ZFPM2: variants seen among roughly 807,000 people sequenced by gnomAD.
ZFPM2 encodes zinc finger protein, FOG family member 2.
A neutral mutation model predicts 98.6 loss-of-function variants in ZFPM2; 20 were observed. The observed-to-expected ratio is 0.20, with a 90% CI of 0.14 to 0.29. The LOEUF (loss-of-function observed/expected upper bound fraction) is 0.29. Ranked by LOEUF, ZFPM2 falls within the 10% of genes least tolerant of loss-of-function variation. ZFPM2 has a pLI of 1.00. For synonymous variants in ZFPM2, 518 were observed against 502.7 expected, an observed-to-expected ratio of 1.03 and a Z score of -0.41; for missense variants, 1,310 against 1,388.6, an observed-to-expected ratio of 0.94 and a Z score of 0.90.
intron 5 of ZFPM2, among the ~76,000 whole-genome samples, chr8:105,667,191 G>A (rs1817505201): frequency 6.6e-6 from 1 of 152,146 alleles, no homozygotes; most frequent in Admixed American, 6.6e-5. Context: ...ATAAAGTAAA[G>A]CTTTCAAGCA....
chr8:105,457,388 A>C (rs1812613215), intron 3 of ZFPM2, among the ~76,000 whole-genome samples: 1 of 152,236 alleles, frequency 6.6e-6, no homozygotes, highest in Admixed American at 6.5e-5. Flanking sequence ...TAATTAATTT[A>C]ATTAGTTCAA....
At chr8:105,568,430 G>A (rs548570573) in intron 4 of ZFPM2, among the ~76,000 whole-genome samples, 1 of 151,956 alleles carries the variant, frequency 6.6e-6, no homozygotes, top group Non-Finnish European at 1.5e-5. Flanking sequence ...CATCTCAAAT[G>A]CTATTCACAC....
intron 1 of ZFPM2, among the ~76,000 whole-genome samples, chr8:105,341,937 A>T (rs182837988): frequency 2.2e-3 from 328 of 152,096 alleles, no homozygotes; most frequent in Non-Finnish European, 3.4e-3. Flanking sequence ...TCATCTGGAG[A>T]TGGCTAAGTT....
chr8:105,579,905 C>A (rs1815551420), intron 4 of ZFPM2, among the ~76,000 whole-genome samples: 1 of 152,078 alleles, frequency 6.6e-6, no homozygotes, highest in Non-Finnish European at 1.5e-5. Context: ...TCAAATATAG[C>A]TGTGCCTGCT....
chr8:105,494,183 G>GTGTATA (rs1491126096), intron 3 of ZFPM2, among the ~76,000 whole-genome samples: 2 of 60,006 alleles, frequency 3.3e-5, no homozygotes, highest in Admixed American at 2.4e-4. Context: ...GCCACCAAAA[G>GTGTATA]TATATATATA....
intron 5 of ZFPM2, among the ~76,000 whole-genome samples, chr8:105,668,501 GA>G (rs964424940): frequency 2.9e-4 from 43 of 146,876 alleles, no homozygotes; most frequent in Admixed American, 6.8e-4. Context: ...CCTTTCTTGA[GA>G]AAAAAAAAAG....
chr8:105,789,998 T>A (rs201623686), intron 6 of ZFPM2, among the ~76,000 whole-genome samples: 1 of 151,872 alleles, frequency 6.6e-6, no homozygotes, highest in Non-Finnish European at 1.5e-5. Flanking sequence ...CTTTGTCAGA[T>A]GAGTAGCTTG....
chr8:105,383,578 G>A (rs182646049), intron 1 of ZFPM2, among the ~76,000 whole-genome samples: 22 of 152,216 alleles, frequency 1.4e-4, no homozygotes, highest in East Asian at 7.7e-4. Context: ...TTGAAGGCCC[G>A]TGTAGACTTG....
chr8:105,605,817 A>G (rs1816186618), intron 4 of ZFPM2, among the ~76,000 whole-genome samples: 1 of 152,066 alleles, frequency 6.6e-6, no homozygotes, highest in African/African-American at 2.4e-5. Flanking sequence ...TGACTTTGCT[A>G]TGTAACTCAC....
chr8:105,596,442 A>G (rs1748788836), intron 4 of ZFPM2, among the ~76,000 whole-genome samples: 1 of 151,994 alleles, frequency 6.6e-6, no homozygotes, highest in South Asian at 2.1e-4. Flanking sequence ...CCTAGTTTTT[A>G]CCCTGGTTGC....
chr8:105,730,839 G>T (rs1348263), intron 5 of ZFPM2, among the ~76,000 whole-genome samples: 3 of 143,514 alleles, frequency 2.1e-5, no homozygotes, highest in Non-Finnish European at 4.5e-5. Context: ...GTAATGATTA[G>T]AAAGCGTTTG....
Position 105,747,485 on chromosome 8 carries a change from T to A in ZFPM2, c.533-41233T>A, listed in dbSNP as rs182616491. Among the ~76,000 whole-genome samples the A allele has an allele frequency of 2.4e-3, 366 of 152,232 alleles. 3 individuals are homozygous for A. The highest frequency in any genetic ancestry group is 6.0e-3 in the South Asian group (29 of 4,832). On this transcript the variant is annotated intron_variant, in intron 5 of 7. Coordinates refer to ENST00000407775, the MANE Select transcript of ZFPM2 (RefSeq NM_012082.4). ...AATGAATGCAGTCTCGCCATTCAAATGCAACCATAAGTACACAGAAGATAA... is the reference window on the plus strand; with the variant it reads ...AATGAATGCAGTCTCGCCATTCAAAAGCAACCATAAGTACACAGAAGATAA...
At chr8:105,786,307 AT>A (rs1563563636) in intron 5 of ZFPM2, among the ~76,000 whole-genome samples, 2 of 151,970 alleles carry the variant, frequency 1.3e-5, no homozygotes, top group East Asian at 1.9e-4. Context: ...GTCCTCTTAC[AT>A]TTTCTTTAGC....
intron 3 of ZFPM2, among the ~76,000 whole-genome samples, chr8:105,477,244 T>C (rs1291305599): frequency 7.1e-6 from 1 of 140,380 alleles, no homozygotes; most frequent in Non-Finnish European, 1.5e-5. Context: ...AATCTTTTTT[T>C]TTTTTTTTTT....
chr8:105,481,155 C>G (rs537801003), intron 3 of ZFPM2, among the ~76,000 whole-genome samples: 81 of 152,084 alleles, frequency 5.3e-4, no homozygotes, highest in African/African-American at 1.8e-3. Flanking sequence ...AGTGGGAGAG[C>G]CTGTCACATC....
At chr8:105,399,606 T>C (rs1271872365) in intron 1 of ZFPM2, among the ~76,000 whole-genome samples, 1 of 152,198 alleles carries the variant, frequency 6.6e-6, no homozygotes, top group African/African-American at 2.4e-5. Context: ...CAAGGCATGC[T>C]AAGCTAGAGA....
intron 1 of ZFPM2, among the ~76,000 whole-genome samples, chr8:105,321,698 C>T (rs1376001381): frequency 2.0e-5 from 3 of 152,010 alleles, no homozygotes; most frequent in Non-Finnish European, 2.9e-5. Context: ...TGGGTGCTCT[C>T]CGGGCAGCGA....
At chr8:105,426,846 A>T (rs1325337704) in intron 2 of ZFPM2, among the ~76,000 whole-genome samples, 2 of 151,802 alleles carry the variant, frequency 1.3e-5, no homozygotes, top group Admixed American at 6.6e-5. Context: ...AGTCCCAGCT[A>T]CTCTGGAGGC....
intron 6 of ZFPM2, among the ~76,000 whole-genome samples, chr8:105,795,265 T>C (rs1320926817): frequency 3.3e-5 from 5 of 151,222 alleles, no homozygotes; most frequent in Admixed American, 6.6e-5. Flanking sequence ...TGTGTGTGTG[T>C]GTGTGTGTGT....
Sources: allele counts gnomAD v4.1 joint callset (sites outside exome capture counted in the v4.1 genomes callset), GRCh38; gene constraint gnomAD v4.1.1; transcripts MANE v1.5; gene names NCBI Gene and HGNC (gene_info 2026-07-23, HGNC 2026-07-21).